Variants in RYR3 observed in about 807,000 individuals in gnomAD.
RYR3 encodes brain ryanodine receptor-calcium release channel.
Under a neutral mutation model 584.3 loss-of-function variants are expected in RYR3, and 207 were observed. That is an observed-to-expected ratio of 0.35 (90% confidence interval 0.32 to 0.40). The LOEUF is 0.40. Ranked by LOEUF, RYR3 falls within the 10% of genes least tolerant of loss-of-function variation. The pLI, the probability that RYR3 is intolerant of heterozygous loss-of-function variation, is 1.00. For missense variants in RYR3, 5,616 were observed against 6,089.2 expected, an observed-to-expected ratio of 0.92 and a Z score of 2.59; for synonymous variants, 2,416 against 2,248.5, an observed-to-expected ratio of 1.07 and a Z score of -2.11.
intron 84 of RYR3, among the ~76,000 whole-genome samples, 164 bp downstream of exon 84, chr15:33,826,916 T>C (rs539188630): frequency 1.3e-5 from 2 of 152,314 alleles, no homozygotes; most frequent in South Asian, 4.1e-4. Context: ...TGATATTTAG[T>C]GCCACCAAGG....
chr15:33,492,096 A>G (rs975728726), intron 2 of RYR3, among the ~76,000 whole-genome samples: 3 of 152,102 alleles, frequency 2.0e-5, no homozygotes, highest in East Asian at 1.9e-4. Flanking sequence ...GAACATTTTA[A>G]CTCCTGCAGG....
intron 55 of RYR3, 89 bp from the exon 56 acceptor site, chr15:33,749,890 C>A: frequency 8.9e-7 from 1 of 1,121,018 alleles, no homozygotes; most frequent in Non-Finnish European, 1.3e-6. Flanking sequence ...GTGTGCTTTT[C>A]CCGAGGCTGC....
intron 38 of RYR3, among the ~76,000 whole-genome samples, chr15:33,681,017 T>C (rs529950782): frequency 1.3e-5 from 2 of 152,322 alleles, no homozygotes; most frequent in South Asian, 4.1e-4. Flanking sequence ...CAGTAGGTGC[T>C]TTCTGTGTTT....
At chr15:33,551,749 CAT>C (rs1491188374) in intron 10 of RYR3, among the ~76,000 whole-genome samples, 1 of 151,998 alleles carries the variant, frequency 6.6e-6, no homozygotes, top group African/African-American at 2.4e-5. Context: ...ACTTTGCTAT[CAT>C]TTTTTTTTAG....
intron 75 of RYR3, among the ~76,000 whole-genome samples, 170 bp from the exon 76 acceptor site, chr15:33,818,408 G>T (rs559770174): frequency 6.6e-6 from 1 of 152,128 alleles, no homozygotes; most frequent in Non-Finnish European, 1.5e-5. Context: ...CTCAAACCTC[G>T]CACCTTTAGG....
chr15:33,527,644 C>T (rs1383451489), intron 3 of RYR3, among the ~76,000 whole-genome samples: 1 of 151,340 alleles, frequency 6.6e-6, no homozygotes, highest in Non-Finnish European at 1.5e-5. Context: ...TATTTGCTAT[C>T]TGCCCTTTTA....
intron 1 of RYR3, among the ~76,000 whole-genome samples, chr15:33,319,168 A>G (rs1968603896): frequency 6.6e-6 from 1 of 152,214 alleles, no homozygotes. Context: ...GAAGGAATGG[A>G]AAGTTCTCCA....
chr15:33,697,796 C>G, intron 39 of RYR3, 86 bp from the exon 40 acceptor site: 1 of 801,988 alleles, frequency 1.2e-6, no homozygotes, highest in Non-Finnish European at 2.2e-6. Flanking sequence ...ATTTTGCCCT[C>G]TCGTGTGTTT....
intron 74 of RYR3, among the ~76,000 whole-genome samples, chr15:33,814,623 G>A (rs1262568504): frequency 2.0e-5 from 3 of 152,114 alleles, no homozygotes; most frequent in African/African-American, 7.2e-5. Context: ...TCTCCGCCGG[G>A]CGCAGTGGCT....
rs2058737436 is a variant in RYR3 at position 33,584,343 on chromosome 15, G to A, written c.1574-52G>A. 6 of 957,126 alleles carry A rather than the reference G, an allele frequency of 6.3e-6. No homozygotes were observed. The East Asian group carries it at 7.5e-5, about 12-fold the overall frequency. The allele number at this position is 957,126 out of a possible 1,614,324, so 59.3% of individuals were successfully genotyped here. A position where few individuals can be genotyped will look rare whatever the true frequency, so the allele number is the denominator to read the frequency against. On this transcript the variant is annotated intron_variant, in intron 14 of 103. Transcript: ENST00000634891. Reference sequence around the variant, plus strand: ...ATTCGACAGCTTTCCAAGTTCTCACGCCCATCATTATATCCTTTAACCTCT... The same window carrying A: ...ATTCGACAGCTTTCCAAGTTCTCACACCCATCATTATATCCTTTAACCTCT...
At chr15:33,729,078 T>C (rs1032344510) in intron 47 of RYR3, 52 bp downstream of exon 47, 26 of 1,488,406 alleles carry the variant, frequency 1.7e-5, no homozygotes, top group South Asian at 1.2e-5. Flanking sequence ...GTGAAATTAG[T>C]AATGTTGGAC....
chr15:33,529,979 G>A (rs1412329025), intron 3 of RYR3, among the ~76,000 whole-genome samples: 1 of 152,122 alleles, frequency 6.6e-6, no homozygotes, highest in Non-Finnish European at 1.5e-5. Flanking sequence ...AGCCAAAGTG[G>A]AACTGCCTGG....
chr15:33,552,971 T>C (rs2056797382), intron 10 of RYR3, among the ~76,000 whole-genome samples: 1 of 152,136 alleles, frequency 6.6e-6, no homozygotes, highest in Admixed American at 6.5e-5. Flanking sequence ...CTCAACAATG[T>C]AAGGGCACTG....
Position 33,474,202 on chromosome 15 carries a change from G to C in RYR3, c.171+664G>C, listed in dbSNP as rs933452042. On this transcript the variant is annotated intron_variant, in intron 2 of 103. Coordinates refer to ENST00000634891, the MANE Select transcript of RYR3 (RefSeq NM_001036.6). The stretch of plus-strand genomic sequence containing the variant: ...CTGGGAAAACCTCTATATCCGTCAG[G>C]GTTCTCCAGAGAAACAAAGTCAACT... Among the ~76,000 whole-genome samples the C allele has an allele frequency of 5.3e-5, 8 of 152,298 alleles. No homozygotes were observed. The East Asian group carries it at 1.3e-3, about 26-fold the overall frequency.
chr15:33,683,560 C>A (rs1308726264), intron 38 of RYR3, among the ~76,000 whole-genome samples: 2 of 152,208 alleles, frequency 1.3e-5, no homozygotes, highest in African/African-American at 2.4e-5. Flanking sequence ...CAGCTCCCAG[C>A]ATGATTGACA....
intron 10 of RYR3, among the ~76,000 whole-genome samples, chr15:33,561,289 A>T (rs1259306700): frequency 1.3e-5 from 2 of 152,254 alleles, no homozygotes; most frequent in Admixed American, 6.5e-5. Flanking sequence ...CAATAAAGCA[A>T]TTAGACTGTG....
At chr15:33,497,556 T>C (rs2051549559) in intron 2 of RYR3, among the ~76,000 whole-genome samples, 1 of 152,206 alleles carries the variant, frequency 6.6e-6, no homozygotes, top group Non-Finnish European at 1.5e-5. Flanking sequence ...ATCTCTCTGC[T>C]TCAGCCTAGC....
At chr15:33,793,008 G>A (rs1169834417) in intron 67 of RYR3, among the ~76,000 whole-genome samples, 1 of 152,144 alleles carries the variant, frequency 6.6e-6, no homozygotes, top group African/African-American at 2.4e-5. Flanking sequence ...AGTTGCCTAG[G>A]CTGCTCACAC....
intron 67 of RYR3, among the ~76,000 whole-genome samples, chr15:33,789,834 C>T (rs2075034370): frequency 7.0e-6 from 1 of 143,380 alleles, no homozygotes; most frequent in African/African-American, 2.6e-5. Flanking sequence ...GCCACCATGC[C>T]TGGCTAATTG....
Sources: gnomAD v4.1 joint callset for allele counts (sites outside exome capture counted in the v4.1 genomes callset) on GRCh38, gnomAD v4.1.1 for gene constraint, MANE v1.5 for transcripts, NCBI Gene and HGNC (gene_info 2026-07-23, HGNC 2026-07-21) for gene names.